ARHGEF2: variants seen among roughly 807,000 people sequenced by gnomAD.
The protein encoded by ARHGEF2 is Rho/Rac guanine nucleotide exchange factor 2.
A neutral mutation model predicts 121.0 loss-of-function variants in ARHGEF2; 22 were observed. The observed-to-expected ratio is 0.18, with a 90% CI of 0.13 to 0.26. The LOEUF (loss-of-function observed/expected upper bound fraction) is 0.26, where lower values mean the gene tolerates loss of function less well. Among genes scored for constraint, ARHGEF2 ranks in the 10% least tolerant of loss-of-function variants. ARHGEF2 has a pLI of 1.00. For synonymous variants in ARHGEF2, 487 were observed against 530.0 expected (o/e 0.92, Z 1.11); for missense variants, 907 against 1,336.0 (o/e 0.68, Z 5.01).
Position 155,952,232 on chromosome 1 carries a change from T to C in ARHGEF2, c.1988A>G (p.Glu663Gly). 8 of 1,613,934 alleles carry C rather than the reference T, an allele frequency of 5.0e-6. No individual in the cohort carries two copies. Among genetic ancestry groups the C allele is most frequent in the Non-Finnish European group, 5.9e-6 (7 of 1,179,952 alleles). Residue 663 changes from glutamate to glycine, a missense_variant, in exon 16 of 22, where the codon GAG becomes GGG. Coordinates refer to ENST00000361247, the MANE Select transcript of ARHGEF2 (RefSeq NM_001162383.2). The part of the protein sequence containing the change: ...RLLQDAIREV[E>G]GLKDLLVGPG... The stretch of plus-strand genomic sequence containing the variant: ...CCCCACCAGCAGGTCTTTCAGACCC[T>C]CCACTGTGGGGAAAGAGGAAGAGGT...
At chr1:155,958,540 C>A in intron 11 of ARHGEF2, 144 bp from the exon 12 acceptor site, 1 of 586,330 alleles carries the variant, frequency 1.7e-6, no homozygotes, top group Non-Finnish European at 3.0e-6. Flanking sequence ...TGGCTGCTTG[C>A]ACTTTTTCAG....
At chr1:155,975,333 C>T (rs1213488994) in intron 1 of ARHGEF2, among the ~76,000 whole-genome samples, 2 of 152,122 alleles carry the variant, frequency 1.3e-5, no homozygotes, top group African/African-American at 2.4e-5. Context: ...AGGTCAAATT[C>T]CACAGCCAGA....
chr1:155,960,443 G>C (rs1416597227), intron 11 of ARHGEF2, among the ~76,000 whole-genome samples: 1 of 149,372 alleles, frequency 6.7e-6, no homozygotes, highest in Admixed American at 6.8e-5. Context: ...ACCCCAGCCT[G>C]AGCAGCAAAG....
chr1:155,950,906 C>G lies in ARHGEF2; in HGVS notation c.2626G>C (p.Ala876Pro). Reference protein sequence around the residue: ...TEPLPAEAPWARRPVDPRRRS... With the variant: ...TEPLPAEAPWPRRPVDPRRRS... ...CGCCGAGGATCCACAGGTCTGCGGG[C>G]CCAGGGGGCCTCAGCTGGGAGTGGC... is the stretch of plus-strand genomic sequence containing the variant. Residue 876 changes from alanine (A) to proline (P), a missense_variant, in exon 20 of 22, where the codon GCC becomes CCC. Physicochemically the swap from Ala to Pro is conservative, Grantham distance 27. Coordinates refer to ENST00000361247, the MANE Select transcript of ARHGEF2 (RefSeq NM_001162383.2). The surrounding 1 kb of genome is among the most constrained non-coding windows in gnomAD (Gnocchi z 5.2). 6.3e-7 allele frequency: 1 copy of G among 1,596,686 alleles called. No homozygotes were observed. The highest frequency in any genetic ancestry group is 8.5e-7 in the Non-Finnish European group (1 of 1,170,630).
Position 155,965,493 on chromosome 1 carries a change from C to T in ARHGEF2, c.471-81G>A, listed in dbSNP as rs1379891305. 2.5e-6 allele frequency: 4 copies of T among 1,599,702 alleles called. No homozygotes were observed. Among genetic ancestry groups the T allele is most frequent in the Non-Finnish European group, 3.4e-6 (4 of 1,167,914 alleles). ...CAGGTAGGGAACCAAAGCCAGGATC[C>T]AAGAGGCGGTCCCCCTAAGTTCTCC... is the stretch of plus-strand genomic sequence containing the variant. On this transcript the variant is annotated intron_variant, in intron 5 of 21. Coordinates refer to ENST00000361247, the MANE Select transcript of ARHGEF2 (RefSeq NM_001162383.2). This position sits in a 1 kb window ranked among gnomAD's most constrained non-coding sequence, Gnocchi z 6.0.
chr1:155,963,862 C>T (rs1428054738), intron 7 of ARHGEF2, among the ~76,000 whole-genome samples: 2 of 149,790 alleles, frequency 1.3e-5, no homozygotes, highest in Non-Finnish European at 3.0e-5. Context: ...TTTTTAAAGA[C>T]GGCTGGGCAC....
Position 155,956,366 on chromosome 1 carries a change from C to G in ARHGEF2, c.1715+1347G>C, listed in dbSNP as rs150489308. Among the ~76,000 whole-genome samples the G allele has an allele frequency of 4.3e-3, 644 of 151,424 alleles. 3 individuals are homozygous for G. Among genetic ancestry groups the G allele is most frequent in the South Asian group, 8.6e-3 (41 of 4,786 alleles). Reference sequence around the variant, plus strand: ...TACCCGCCTCAGCCTCTCAAAGTGCCGGGATTACAGGCGTGAGCCACTGTG... The same window carrying G: ...TACCCGCCTCAGCCTCTCAAAGTGCGGGGATTACAGGCGTGAGCCACTGTG... On this transcript the variant is annotated intron_variant, in intron 13 of 21. Transcript: ENST00000361247.
chr1:155,959,019 T>C (rs1327993832), intron 11 of ARHGEF2, among the ~76,000 whole-genome samples: 1 of 151,952 alleles, frequency 6.6e-6, no homozygotes, highest in East Asian at 1.9e-4. Context: ...CAGAAAACCC[T>C]TTCTACCTGA....
In ARHGEF2 at chr1:155,951,385, G is replaced by A. The variant is rs748987989; in HGVS notation, c.2259+98C>T. On this transcript the variant is annotated intron_variant, in intron 19 of 21. Transcript: ENST00000361247. The surrounding 1 kb of genome is among the most constrained non-coding windows in gnomAD (Gnocchi z 5.1). Reference sequence around the variant, plus strand: ...CTCCTGGAGAGCTTGGATTGGGAGGGTATTTAGAAAGGCCTGTTGGGATGA... The same window carrying A: ...CTCCTGGAGAGCTTGGATTGGGAGGATATTTAGAAAGGCCTGTTGGGATGA... 1 of 1,583,934 alleles carries A rather than the reference G, an allele frequency of 6.3e-7. No individual in the cohort carries two copies. Among genetic ancestry groups the A allele is most frequent in the Non-Finnish European group, 8.7e-7 (1 of 1,155,678 alleles).
chr1:155,954,579 C>T (rs1039575584), intron 14 of ARHGEF2, among the ~76,000 whole-genome samples: 162 of 137,182 alleles, frequency 1.2e-3, no homozygotes, highest in African/African-American at 4.0e-3. Context: ...TGAGCCACCG[C>T]GCCCGGCCAA....
chr1:155,970,441 T>C, intron 1 of ARHGEF2: 2 of 985,518 alleles, frequency 2.0e-6, no homozygotes, highest in Non-Finnish European at 2.4e-6. Context: ...GTTGTGACTC[T>C]GATCTCTGGA....
At chr1:155,968,811 C>T (rs1385522721) in intron 2 of ARHGEF2, 3 of 201,542 alleles carry the variant, frequency 1.5e-5, no homozygotes, top group African/African-American at 2.3e-5. Context: ...CCACCCCCTC[C>T]ACACATACAA....
chr1:155,963,235 G>A (rs754120502), intron 7 of ARHGEF2, 52 bp from the exon 8 acceptor site: 35 of 1,584,406 alleles, frequency 2.2e-5, no homozygotes, highest in African/African-American at 4.0e-5. Context: ...GCTAAAACTC[G>A]TGGGGCCCTA....
chr1:155,978,647 C>G (rs74404550), upstream of ARHGEF2: 83,956 of 1,188,464 alleles, frequency 0.071, 3,229 homozygotes, highest in Middle Eastern at 0.14. This position sits in a 1 kb window ranked among gnomAD's most constrained non-coding sequence, Gnocchi z 4.1. Context: ...GCGGGGTGCC[C>G]GCGCGCAGGA....
rs539179786 is a variant in ARHGEF2, at chr1:155,973,738, T to A, written c.64-4438A>T. 2.0e-3 allele frequency among the ~76,000 whole-genome samples: 301 copies of A among 149,246 alleles called. 1 individual carries two copies. The highest frequency in any genetic ancestry group is 3.1e-3 in the Non-Finnish European group (208 of 67,388). On this transcript the variant is annotated intron_variant, in intron 1 of 21. Transcript: ENST00000361247. ...TCCAGCCTGGGTGACAGAGCGAGAC[T>A]CTGTCTCAAAAAAAAAAAAAGAAAA... is the stretch of plus-strand genomic sequence containing the variant.
In ARHGEF2 at chr1:155,951,646, A is replaced by G; in HGVS notation, c.2208+95T>C. The G allele has an allele frequency of 1.2e-6, 2 of 1,605,826 alleles. No individual in the cohort carries two copies. Among genetic ancestry groups the G allele is most frequent in the Non-Finnish European group, 1.7e-6 (2 of 1,172,638 alleles). Reference sequence around the variant, plus strand: ...AGGATCCGGAGACATACTTGAATGTAGACGCTTTCCCCACCCCACTCCAAA... The same window carrying G: ...AGGATCCGGAGACATACTTGAATGTGGACGCTTTCCCCACCCCACTCCAAA... On this transcript the variant is annotated intron_variant, in intron 18 of 21. Coordinates refer to ENST00000361247, the MANE Select transcript of ARHGEF2 (RefSeq NM_001162383.2). The surrounding 1 kb of genome is among the most constrained non-coding windows in gnomAD (Gnocchi z 5.1).
intron 15 of ARHGEF2, 141 bp downstream of exon 15, chr1:155,952,487 G>T: frequency 9.4e-7 from 1 of 1,061,340 alleles, no homozygotes; most frequent in Non-Finnish European, 1.3e-6. Context: ...CCAGGAACTG[G>T]CCCAGAAGAG....
Position 155,965,325 on chromosome 1 carries a change from G to A in ARHGEF2, c.558C>T (p.Ser186=), listed in dbSNP as rs1006544164. 2 of 1,614,042 alleles carry A rather than the reference G, an allele frequency of 1.2e-6. No homozygotes were observed. Among genetic ancestry groups the A allele is most frequent in the African/African-American group, 1.3e-5 (1 of 74,928 alleles). The change falls in exon 6 of 22, where the codon TCC becomes TCT. Residue 186 remains serine, a synonymous_variant. Transcript: ENST00000361247. This position sits in a 1 kb window ranked among gnomAD's most constrained non-coding sequence, Gnocchi z 6.0. ...DSLNMRNRTL[S]VESLIDEAEV... is the part of the protein sequence containing the mutation. Reference sequence around the variant, plus strand: ...CACCTTCGTCAATGAGGGATTCCACGGATAGGGTTCGGTTCCGCATGTTGA... The same window carrying A: ...CACCTTCGTCAATGAGGGATTCCACAGATAGGGTTCGGTTCCGCATGTTGA...
rs1412967102 is a variant in ARHGEF2, at chr1:155,963,186, GT to G, written c.725-4del. Reference sequence around the variant, plus strand: ...GTGCAGCTCTGTCTGGATTAGCTCTGTGGGGGACATTGGGACATTTGGCCTC... The same window carrying G: ...GTGCAGCTCTGTCTGGATTAGCTCTGGGGGGACATTGGGACATTTGGCCTC... On this transcript the variant is annotated splice_region_variant and splice_polypyrimidine_tract_variant and intron_variant, in intron 7 of 21. Coordinates refer to ENST00000361247, the MANE Select transcript of ARHGEF2 (RefSeq NM_001162383.2). 6.2e-7 allele frequency: 1 copy of G among 1,606,252 alleles called. No homozygotes were observed. The highest frequency in any genetic ancestry group is 8.5e-7 in the Non-Finnish European group (1 of 1,178,102).
Sources: gnomAD v4.1 joint callset for allele counts (sites outside exome capture counted in the v4.1 genomes callset) on GRCh38, gnomAD v4.1.1 for gene constraint, Gnocchi (gnomAD v3.1) non-coding constraint, MANE v1.5 for transcripts, NCBI Gene and HGNC (gene_info 2026-07-23, HGNC 2026-07-21) for gene names.